Variants in TRAPPC9 observed in about 807,000 individuals in gnomAD.
TRAPPC9 encodes the protein IKK2 binding protein.
TRAPPC9 carries 83 observed loss-of-function variants against 124.0 expected under a neutral mutation model. The observed-to-expected ratio is 0.67, with a 90% CI of 0.56 to 0.80. The LOEUF is 0.80. Ranked by LOEUF, TRAPPC9 falls within the 30% of genes least tolerant of loss-of-function variation. The pLI is 0.00. For synonymous variants in TRAPPC9, 638 were observed against 617.5 expected, an observed-to-expected ratio of 1.03 and a Z score of -0.49; for missense variants, 1,302 against 1,508.3, an observed-to-expected ratio of 0.86 and a Z score of 2.27.
intron 21 of TRAPPC9, among the ~76,000 whole-genome samples, chr8:139,829,592 G>A (rs989695136): frequency 6.6e-6 from 1 of 152,208 alleles, no homozygotes; most frequent in Non-Finnish European, 1.5e-5. Context: ...TTCTCACCAA[G>A]AGCCTTGGGA....
chr8:140,440,163 C>A (rs2070960035), intron 2 of TRAPPC9, among the ~76,000 whole-genome samples: 1 of 152,180 alleles, frequency 6.6e-6, no homozygotes, highest in South Asian at 2.1e-4. Context: ...TCCTTCCTGG[C>A]CACAAGGCAG....
intron 4 of TRAPPC9, among the ~76,000 whole-genome samples, chr8:140,431,830 G>A (rs1443095344): frequency 1.3e-5 from 2 of 152,194 alleles, no homozygotes; most frequent in South Asian, 2.1e-4. Context: ...GCAAAACTGG[G>A]TGCAATACTC....
At chr8:139,841,741 G>A (rs1244727124) in intron 21 of TRAPPC9, among the ~76,000 whole-genome samples, 1 of 152,172 alleles carries the variant, frequency 6.6e-6, no homozygotes, top group Non-Finnish European at 1.5e-5. Flanking sequence ...CCCATGCTGG[G>A]CCCTGCCCAC....
At chr8:140,423,232 T>C (rs2070284796) in intron 5 of TRAPPC9, among the ~76,000 whole-genome samples, 1 of 151,902 alleles carries the variant, frequency 6.6e-6, no homozygotes, top group Admixed American at 6.6e-5. Context: ...AGGTCAGGAG[T>C]TCAGGACCAG....
At chr8:140,275,047 C>T (rs1157446419) in intron 15 of TRAPPC9, among the ~76,000 whole-genome samples, 2 of 152,170 alleles carry the variant, frequency 1.3e-5, no homozygotes, top group South Asian at 2.1e-4. Context: ...AATACATTCC[C>T]CTTTGATCAA....
intron 17 of TRAPPC9, among the ~76,000 whole-genome samples, chr8:140,059,285 A>G (rs1305353606): frequency 1.3e-5 from 2 of 152,206 alleles, no homozygotes; most frequent in Non-Finnish European, 2.9e-5. Flanking sequence ...CACGTTCTTA[A>G]GTGGAGCAGC....
intron 20 of TRAPPC9, among the ~76,000 whole-genome samples, chr8:139,909,042 TC>T (rs1332356819): frequency 1.3e-5 from 2 of 152,132 alleles, no homozygotes; most frequent in Non-Finnish European, 2.9e-5. Context: ...AGGCTCAAAG[TC>T]CCTTTAGCTT....
intron 20 of TRAPPC9, among the ~76,000 whole-genome samples, chr8:139,905,605 A>G (rs983326373): frequency 1.3e-5 from 2 of 152,096 alleles, no homozygotes; most frequent in African/African-American, 4.8e-5. Context: ...GACTGGTGGG[A>G]GAATGGTAGG....
At chr8:140,440,365 G>T (rs191938045) in intron 2 of TRAPPC9, among the ~76,000 whole-genome samples, 1 of 152,108 alleles carries the variant, frequency 6.6e-6, no homozygotes, top group African/African-American at 2.4e-5. Context: ...AAATTAGCCG[G>T]GCGTGGTGGC....
chr8:140,447,749 G>C (rs1376900242), intron 2 of TRAPPC9, among the ~76,000 whole-genome samples: 1 of 152,114 alleles, frequency 6.6e-6, no homozygotes, highest in Non-Finnish European at 1.5e-5. Context: ...TTCCTGTTGA[G>C]CTACAAAATA....
At chr8:140,156,940 C>CTTTTCCATTCAAAAGCCTCCCT (rs202238897) in intron 17 of TRAPPC9, among the ~76,000 whole-genome samples, 2 of 141,042 alleles carry the variant, frequency 1.4e-5, no homozygotes, top group African/African-American at 5.5e-5. Flanking sequence ...AAAAGCCTCC[C>CTTTTCCATTCAAAAGCCTCCCT]TTTCCATTCA....
chr8:139,794,013 C>T (rs1318423797), intron 21 of TRAPPC9, among the ~76,000 whole-genome samples: 1 of 152,174 alleles, frequency 6.6e-6, no homozygotes, highest in Non-Finnish European at 1.5e-5. Context: ...ACAGGCTCCT[C>T]CCCGTCACCC....
chr8:140,340,660 T>C (rs982587254), intron 9 of TRAPPC9, among the ~76,000 whole-genome samples: 2 of 152,236 alleles, frequency 1.3e-5, no homozygotes, highest in African/African-American at 4.8e-5. Flanking sequence ...ATAAAGTACA[T>C]GAGCCAGGAT....
intron 17 of TRAPPC9, among the ~76,000 whole-genome samples, chr8:140,173,468 G>A (rs1470079001): frequency 6.6e-6 from 1 of 151,808 alleles, no homozygotes; most frequent in African/African-American, 2.4e-5. Context: ...GCAGGAGAAT[G>A]GCGTGAACCC....
intron 21 of TRAPPC9, among the ~76,000 whole-genome samples, chr8:139,820,434 C>A (rs1331967226): frequency 1.3e-5 from 2 of 152,202 alleles, no homozygotes; most frequent in African/African-American, 2.4e-5. Context: ...CCTGCCTTGG[C>A]CTCCCAAAGT....
chr8:140,103,703 C>G (rs1025684419), intron 17 of TRAPPC9, among the ~76,000 whole-genome samples: 4 of 152,218 alleles, frequency 2.6e-5, no homozygotes, highest in Admixed American at 2.6e-4. Context: ...CTACAAAGCA[C>G]TCTCCTTAGC....
intron 9 of TRAPPC9, among the ~76,000 whole-genome samples, chr8:140,329,695 G>A (rs1039705347): frequency 5.3e-5 from 8 of 152,146 alleles, no homozygotes; most frequent in South Asian, 4.1e-4. Context: ...CAACCTCCTC[G>A]GCATTTTTGT....
At chr8:139,865,906 G>A (rs1341342391) in intron 21 of TRAPPC9, among the ~76,000 whole-genome samples, 1 of 152,206 alleles carries the variant, frequency 6.6e-6, no homozygotes, top group Non-Finnish European at 1.5e-5. Flanking sequence ...GGTGGTCGGG[G>A]TGCAGCTTGG....
At chr8:139,755,160 G>A (rs937244601) in intron 21 of TRAPPC9, among the ~76,000 whole-genome samples, 4 of 152,258 alleles carry the variant, frequency 2.6e-5, no homozygotes, top group African/African-American at 7.2e-5. Context: ...CTCAGTGCTG[G>A]TGTGGCACCT....
Sources: allele counts gnomAD v4.1 joint callset (sites outside exome capture counted in the v4.1 genomes callset), GRCh38; gene constraint gnomAD v4.1.1; transcripts MANE v1.5; gene names NCBI Gene and HGNC (gene_info 2026-07-23, HGNC 2026-07-21).